ANKRD11: variants seen among roughly 807,000 people sequenced by gnomAD.
ANKRD11 encodes ankyrin repeat domain-containing protein 11.
In ANKRD11, 17 loss-of-function variants were observed where a neutral mutation model predicts 195.7. The observed-to-expected ratio is 0.09, with a 90% confidence interval of 0.06 to 0.13. ANKRD11 has a LOEUF of 0.13. Ranked by LOEUF, ANKRD11 falls within the 10% of genes least tolerant of loss-of-function variation. ANKRD11 has a pLI of 1.00. For synonymous variants in ANKRD11, 1,953 were observed against 1,528.1 expected (o/e 1.28, Z -6.49); for missense variants, 3,735 against 3,566.1 (o/e 1.05, Z -1.21).
chr16:89,319,798 C>T (rs2037193911), intron 2 of ANKRD11, among the ~76,000 whole-genome samples: 1 of 152,268 alleles, frequency 6.6e-6, no homozygotes, highest in African/African-American at 2.4e-5. Context: ...ACGCGGCCCA[C>T]TCTAGAGTCT....
intron 1 of ANKRD11, among the ~76,000 whole-genome samples, chr16:89,486,447 C>CAAA (rs113833196): frequency 2.9e-5 from 3 of 103,356 alleles, no homozygotes; most frequent in African/African-American, 6.9e-5. Context: ...GACCCTGCCT[C>CAAA]AAAAAAAAAA....
chr16:89,350,654 C>T (rs2039170064), intron 2 of ANKRD11, among the ~76,000 whole-genome samples: 1 of 152,206 alleles, frequency 6.6e-6, no homozygotes, highest in South Asian at 2.1e-4. Flanking sequence ...TGACATGCTG[C>T]TGCAAAGAGG....
At chr16:89,275,969 C>T (rs774962762) in intron 9 of ANKRD11, among the ~76,000 whole-genome samples, 1 of 152,168 alleles carries the variant, frequency 6.6e-6, no homozygotes. Flanking sequence ...CAAAGCAGAC[C>T]CAGAAAGCAT....
chr16:89,339,096 G>A (rs1000074429), intron 2 of ANKRD11, among the ~76,000 whole-genome samples: 1 of 152,138 alleles, frequency 6.6e-6, no homozygotes, highest in African/African-American at 2.4e-5. Flanking sequence ...TGATGGGTGA[G>A]CGTTGCACCC....
chr16:89,375,317 G>C (rs563919430), intron 2 of ANKRD11, among the ~76,000 whole-genome samples: 1 of 152,316 alleles, frequency 6.6e-6, no homozygotes, highest in African/African-American at 2.4e-5. Flanking sequence ...AGCTAGTTGC[G>C]GTAGCATGGG....
chr16:89,441,415 C>CCAT (rs2152293209), intron 1 of ANKRD11, among the ~76,000 whole-genome samples: 1 of 152,086 alleles, frequency 6.6e-6, no homozygotes, highest in African/African-American at 2.4e-5. Context: ...AGAATATATT[C>CCAT]CATCACCCAG....
At chr16:89,462,903 G>C (rs1455972239) in intron 1 of ANKRD11, among the ~76,000 whole-genome samples, 1 of 151,432 alleles carries the variant, frequency 6.6e-6, no homozygotes, top group Admixed American at 6.6e-5. Context: ...GAGGTGAGGG[G>C]GTCAGCCCCC....
At chr16:89,415,259 T>C (rs1272448428) in intron 2 of ANKRD11, among the ~76,000 whole-genome samples, 1 of 132,190 alleles carries the variant, frequency 7.6e-6, no homozygotes, top group Non-Finnish European at 1.6e-5. Flanking sequence ...TGGCCAGCTA[T>C]TCTTTTTTTT....
chr16:89,301,057 A>G (rs1333127786), intron 4 of ANKRD11: 2 of 564,920 alleles, frequency 3.5e-6, no homozygotes, highest in Non-Finnish European at 6.3e-6. Context: ...AGGCCAGGCA[A>G]TGATGCACAG....
intron 2 of ANKRD11, 75 bp downstream of exon 2, chr16:89,418,209 C>G (rs1436277289): frequency 2.3e-6 from 1 of 443,716 alleles, no homozygotes; most frequent in Non-Finnish European, 4.6e-6. Flanking sequence ...TGGACACTCA[C>G]GCATTATTTT....
At chr16:89,423,983 G>T (rs898949632) in intron 1 of ANKRD11, among the ~76,000 whole-genome samples, 1 of 152,066 alleles carries the variant, frequency 6.6e-6, no homozygotes, top group Non-Finnish European at 1.5e-5. Context: ...AGGGGACGGC[G>T]TACAACGGGA....
chr16:89,351,970 G>C (rs1195136667), intron 2 of ANKRD11, among the ~76,000 whole-genome samples: 2 of 152,188 alleles, frequency 1.3e-5, no homozygotes. Flanking sequence ...GAGTGCAGTG[G>C]TGCGATCGTG....
chr16:89,281,446 C>T lies in ANKRD11; in HGVS notation c.5096G>A (p.Arg1699Gln), dbSNP rs1338087158. ...LPASPRPDQS[R>Q]PTGVPTPTSV... ...CGTAGGGGTGGGCACGCCAGTGGGC[C>T]GGCTCTGGTCAGGCCTGGGGGACGC... is the stretch of plus-strand genomic sequence containing the variant. Residue 1699 changes from arginine (R) to glutamine (Q), a missense_variant, in exon 9 of 13, where the codon CGG becomes CAG. Physicochemically the swap from Arg to Gln is conservative, Grantham distance 43. Coordinates refer to ENST00000301030, the MANE Select transcript of ANKRD11 (RefSeq NM_013275.6). This position sits in a 1 kb window ranked among gnomAD's most constrained non-coding sequence, Gnocchi z 5.5. 1.9e-6 allele frequency: 3 copies of T among 1,613,446 alleles called. No individual in the cohort carries two copies. Among genetic ancestry groups the T allele is most frequent in the Middle Eastern group, 3.3e-4 (2 of 6,062 alleles).
At chr16:89,407,852 CAAAAAAAAA>C (rs60723753) in intron 2 of ANKRD11, among the ~76,000 whole-genome samples, 1 of 111,440 alleles carries the variant, frequency 9.0e-6, no homozygotes. Flanking sequence ...TGTCTCCCTC[CAAAAAAAAA>C]AAAAAAAAAA....
chr16:89,319,792 G>A (rs540458760), intron 2 of ANKRD11, among the ~76,000 whole-genome samples: 13 of 152,340 alleles, frequency 8.5e-5, no homozygotes, highest in East Asian at 3.9e-4. Context: ...TGCAGCACGC[G>A]GCCCACTCTA....
At chr16:89,405,150 C>A (rs150437813) in intron 2 of ANKRD11, among the ~76,000 whole-genome samples, 1 of 152,012 alleles carries the variant, frequency 6.6e-6, no homozygotes, top group African/African-American at 2.4e-5. Context: ...GTGGAGATCA[C>A]GCCATTGCAC....
At chr16:89,334,465 T>C (rs896312633) in intron 2 of ANKRD11, among the ~76,000 whole-genome samples, 4 of 152,142 alleles carry the variant, frequency 2.6e-5, no homozygotes, top group Non-Finnish European at 5.9e-5. Flanking sequence ...ACTGCTCTGC[T>C]TCCTCTCACA....
chr16:89,436,742 T>G (rs2043231497), intron 1 of ANKRD11, among the ~76,000 whole-genome samples: 1 of 152,176 alleles, frequency 6.6e-6, no homozygotes, highest in African/African-American at 2.4e-5. Context: ...CAAAAAACTT[T>G]TACTATATTT....
In ANKRD11 at chr16:89,270,463, C is replaced by T. The variant is rs568239417; in HGVS notation, c.7806+354G>A. 26 of 382,624 alleles carry T rather than the reference C, an allele frequency of 6.8e-5. 1 individual carries two copies. In the Middle Eastern group the frequency reaches 2.6e-3, roughly 38 times the overall value. The allele number at this position is 382,624 out of a possible 1,614,324, so 23.7% of individuals were successfully genotyped here. On this transcript the variant is annotated intron_variant, in intron 12 of 12. Transcript: ENST00000301030. Reference sequence around the variant, plus strand: ...CGGCACCTCCCCCGCCCCTGCCCACCGCCCTGGCCAGCACTTCCAGAGCAG... The same window carrying T: ...CGGCACCTCCCCCGCCCCTGCCCACTGCCCTGGCCAGCACTTCCAGAGCAG...
Sources: gnomAD v4.1 joint callset for allele counts (sites outside exome capture counted in the v4.1 genomes callset) on GRCh38, gnomAD v4.1.1 for gene constraint, Gnocchi (gnomAD v3.1) non-coding constraint, MANE v1.5 for transcripts, NCBI Gene and HGNC (gene_info 2026-07-23, HGNC 2026-07-21) for gene names.